The following WDR41 variants were observed in gnomAD, a reference collection of about 807,000 sequenced individuals.
WDR41 encodes the protein WD repeat domain 41.
Under a neutral mutation model 69.3 loss-of-function variants are expected in WDR41, and 63 were observed. The ratio of observed to expected loss-of-function variants is 0.91; its 90% CI spans 0.74 to 1.12. The LOEUF is 1.12. Among genes scored for constraint, WDR41 ranks in the 50% most tolerant of loss-of-function variants. The pLI, the probability that WDR41 is intolerant of heterozygous loss-of-function variation, is 0.00. For synonymous variants in WDR41, 185 were observed against 192.1 expected (o/e 0.96, Z 0.31); for missense variants, 543 against 534.5 (o/e 1.02, Z -0.16).
intron 2 of WDR41, among the ~76,000 whole-genome samples, chr5:77,479,520 A>G (rs1024375740): frequency 1.3e-5 from 2 of 152,174 alleles, no homozygotes; most frequent in African/African-American, 4.8e-5. Context: ...ATAACGCCGC[A>G]TATCTACAAC....
chr5:77,504,248 C>G (rs1802070680), intron 1 of WDR41, among the ~76,000 whole-genome samples: 1 of 152,108 alleles, frequency 6.6e-6, no homozygotes, highest in Admixed American at 6.6e-5. Context: ...TACTATACCT[C>G]TATGCAAATA....
intron 1 of WDR41, among the ~76,000 whole-genome samples, chr5:77,546,899 CA>C (rs765680008): frequency 4.2e-4 from 64 of 152,180 alleles, no homozygotes; most frequent in Admixed American, 3.6e-3. Context: ...CCGAATCCAA[CA>C]AAATATCAAA....
chr5:77,588,734 A>C (rs1744083259), intron 1 of WDR41, among the ~76,000 whole-genome samples: 1 of 152,206 alleles, frequency 6.6e-6, no homozygotes, highest in Non-Finnish European at 1.5e-5. Flanking sequence ...GAAAGCCTCC[A>C]GTCACAATAT....
rs1262946539 is a variant in WDR41, at chr5:77,613,407, A to T, written c.42+7072T>A. On this transcript the variant is annotated intron_variant, in intron 1 of 5. Transcript: ENST00000509971. ...TGACTTCAAACTATACTACAAGGCT[A>T]CAGTAACCAAAACAGCATGGTACTG... Among the ~76,000 whole-genome samples the T allele has an allele frequency of 3.3e-5, 5 of 152,246 alleles. No individual in the cohort carries two copies. In the East Asian group the frequency reaches 9.6e-4, roughly 29 times the overall value.
intron 2 of WDR41, among the ~76,000 whole-genome samples, chr5:77,480,747 C>T (rs1265924972): frequency 6.0e-5 from 9 of 150,968 alleles, no homozygotes; most frequent in East Asian, 5.9e-4. Flanking sequence ...GTGGGTGCAG[C>T]GCACCAGCAT....
At chr5:77,618,086 G>C (rs1464505475) in intron 1 of WDR41, among the ~76,000 whole-genome samples, 4 of 152,178 alleles carry the variant, frequency 2.6e-5, no homozygotes, top group Admixed American at 2.6e-4. Flanking sequence ...TTGTTCCAAG[G>C]CCATTGGCTG....
At chr5:77,563,549 T>C (rs563879813) in intron 1 of WDR41, among the ~76,000 whole-genome samples, 12 of 152,194 alleles carry the variant, frequency 7.9e-5, no homozygotes, top group Non-Finnish European at 1.6e-4. Flanking sequence ...AAAAGGTACA[T>C]GCAGCTTGCT....
At chr5:77,571,254 G>T (rs1312701445) in intron 1 of WDR41, among the ~76,000 whole-genome samples, 2 of 152,042 alleles carry the variant, frequency 1.3e-5, no homozygotes, top group Non-Finnish European at 2.9e-5. Context: ...AGTATTGTTT[G>T]GAAAATATTG....
intron 2 of WDR41, 49 bp downstream of exon 2, chr5:77,489,408 T>C: frequency 8.1e-7 from 1 of 1,231,498 alleles, no homozygotes; most frequent in Middle Eastern, 2.0e-4. Flanking sequence ...TAAAATTCCC[T>C]AAAACCTCTT....
In WDR41 at chr5:77,469,256, G is replaced by C. The variant is rs146514181; in HGVS notation, c.168-4447C>G. 3.2e-3 allele frequency among the ~76,000 whole-genome samples: 489 copies of C among 152,228 alleles called. 2 individuals are homozygous for C. Among genetic ancestry groups the C allele is most frequent in the Middle Eastern group, 6.8e-3 (2 of 294 alleles). On this transcript the variant is annotated intron_variant, in intron 2 of 12. Coordinates refer to ENST00000296679, the MANE Select transcript of WDR41 (RefSeq NM_018268.4). ...AGGGCCTGTCGTGGGGTGGGGGTAG[G>C]GGGGAGGGATAGCATTAGGAGACAT... is the stretch of plus-strand genomic sequence containing the variant.
intron 1 of WDR41, among the ~76,000 whole-genome samples, chr5:77,529,048 GA>G (rs1802487155): frequency 6.6e-6 from 1 of 150,712 alleles, no homozygotes; most frequent in South Asian, 2.1e-4. Context: ...AATAAGGCAA[GA>G]AAAAAATTAA....
At chr5:77,600,963 GTA>G (rs1554038467) in intron 1 of WDR41, among the ~76,000 whole-genome samples, 1 of 150,212 alleles carries the variant, frequency 6.7e-6, no homozygotes, top group African/African-American at 2.5e-5. Context: ...GTGTGTGTGT[GTA>G]AGGCCATAAA....
chr5:77,563,083 G>T (rs1328741758), intron 1 of WDR41, among the ~76,000 whole-genome samples: 1 of 151,882 alleles, frequency 6.6e-6, no homozygotes, highest in Non-Finnish European at 1.5e-5. Context: ...CTTCCCTAGC[G>T]CTCAATACAT....
chr5:77,505,451 C>T (rs1044748625), intron 1 of WDR41, among the ~76,000 whole-genome samples: 10 of 152,086 alleles, frequency 6.6e-5, no homozygotes, highest in Non-Finnish European at 1.3e-4. Context: ...GGCCATACTG[C>T]CCGAGGTAAT....
intron 1 of WDR41, among the ~76,000 whole-genome samples, chr5:77,576,075 T>C (rs143282405): frequency 6.6e-6 from 1 of 152,160 alleles, no homozygotes; most frequent in South Asian, 2.1e-4. Flanking sequence ...TAACCTCTTA[T>C]CATGTTGTAA....
Position 77,522,265 on chromosome 5 carries a change from C to CT in WDR41, c.43-32694dup, listed in dbSNP as rs756122141. On this transcript the variant is annotated intron_variant, in intron 1 of 5. Transcript: ENST00000509971. ...AGGAAAACAAGACTGAAAATGGAAA[C>CT]TTTGAGACAGCAGCGATTTCTGCAG... is the stretch of plus-strand genomic sequence containing the variant. 2.6e-5 allele frequency among the ~76,000 whole-genome samples: 4 copies of CT among 152,286 alleles called. 1 individual carries two copies. Among genetic ancestry groups the CT allele is most frequent in the East Asian group, 1.9e-4 (1 of 5,186 alleles).
At chr5:77,594,277 AG>A (rs1744182899) in intron 1 of WDR41, among the ~76,000 whole-genome samples, 1 of 48,800 alleles carries the variant, frequency 2.0e-5, no homozygotes, top group Non-Finnish European at 3.8e-5. Context: ...GGGTGGGGGG[AG>A]GGGGGAGGGA....
chr5:77,583,193 A>C (rs1743973136), intron 1 of WDR41: 1 of 820,726 alleles, frequency 1.2e-6, no homozygotes, highest in African/African-American at 1.7e-5. Flanking sequence ...TTGAAATAAA[A>C]AAAAAAAGTG....
chr5:77,519,691 T>C (rs997933337), intron 1 of WDR41, among the ~76,000 whole-genome samples: 4 of 151,902 alleles, frequency 2.6e-5, no homozygotes, highest in Non-Finnish European at 5.9e-5. Flanking sequence ...GTATTTTTCA[T>C]CTTTATTAAA....
Sources: gnomAD v4.1 joint callset for allele counts (sites outside exome capture counted in the v4.1 genomes callset) on GRCh38, gnomAD v4.1.1 for gene constraint, MANE v1.5 for transcripts, NCBI Gene and HGNC (gene_info 2026-07-23, HGNC 2026-07-21) for gene names.